Variants in RPGRIP1 observed in about 807,000 individuals in gnomAD.
The protein encoded by RPGRIP1 is X-linked retinitis pigmentosa GTPase regulator-interacting protein 1.
A neutral mutation model predicts 157.9 loss-of-function variants in RPGRIP1; 128 were observed. That is an observed-to-expected ratio of 0.81 (90% CI 0.70 to 0.94). The LOEUF is 0.94. Ranked by LOEUF, RPGRIP1 falls within the 40% of genes least tolerant of loss-of-function variation. RPGRIP1 has a pLI of 0.00. For synonymous variants in RPGRIP1, 554 were observed against 571.6 expected, an observed-to-expected ratio of 0.97 and a Z score of 0.44; for missense variants, 1,486 against 1,545.8, an observed-to-expected ratio of 0.96 and a Z score of 0.65.
At chr14:21,288,742 G>A (rs1353385539) in intron 2 of RPGRIP1, among the ~76,000 whole-genome samples, 1 of 151,872 alleles carries the variant, frequency 6.6e-6, no homozygotes, top group African/African-American at 2.4e-5. Context: ...TCGAACTCCT[G>A]ACCTCAAGTG....
chr14:21,325,685 G>C lies in RPGRIP1; in HGVS notation c.2368-146G>C, dbSNP rs532972059. On this transcript the variant is annotated intron_variant, in intron 16 of 24. Transcript: ENST00000400017. ...AATAACTGCCAGAGCCAGTTTGCAG[G>C]CAGGTGAAGATCATTAGGTTTCTTC... 1.5e-4 allele frequency: 106 copies of C among 687,316 alleles called. No homozygotes were observed. The African/African-American group carries it at 1.6e-3, about 10-fold the overall frequency. 42.6% of individuals were successfully genotyped at this position (687,316 alleles called of 1,614,324 possible).
intron 1 of RPGRIP1, among the ~76,000 whole-genome samples, chr14:21,281,704 A>AAAAAAAT (rs368706187): frequency 5.4e-4 from 72 of 133,956 alleles, no homozygotes; most frequent in African/African-American, 1.9e-3. Flanking sequence ...AAAAAAAAAT[A>AAAAAAAT]AATAATAATA....
chr14:21,335,331 TA>T (rs922797613), intron 21 of RPGRIP1, among the ~76,000 whole-genome samples: 1 of 152,102 alleles, frequency 6.6e-6, no homozygotes, highest in Admixed American at 6.6e-5. Context: ...GCCTGAATGG[TA>T]CCCCTGCCTT....
chr14:21,294,015 T>A (rs1661440456), intron 2 of RPGRIP1, among the ~76,000 whole-genome samples: 1 of 134,688 alleles, frequency 7.4e-6, no homozygotes, highest in African/African-American at 2.8e-5. Context: ...ATCACACCAG[T>A]GTACTCTAGA....
chr14:21,330,188 G>A, intron 19 of RPGRIP1, 61 bp from the exon 20 acceptor site: 1 of 1,178,284 alleles, frequency 8.5e-7, no homozygotes, highest in Admixed American at 2.9e-5. Context: ...AGGAAGGAAG[G>A]AATGAAGAAA....
At chr14:21,296,071 G>A (rs1880760409) in intron 3 of RPGRIP1, among the ~76,000 whole-genome samples, 1 of 150,922 alleles carries the variant, frequency 6.6e-6, no homozygotes, top group African/African-American at 2.4e-5. Flanking sequence ...AAGTAGCTGT[G>A]ACTACAGGCA....
chr14:21,327,825 C>T lies in RPGRIP1; in HGVS notation c.2895+18C>T. ...CTTCCCAGGTAACTCTCCAGGACTCCACAGGTAGCAGATCTCTGCCAATCC... is the reference window on the plus strand; with the variant it reads ...CTTCCCAGGTAACTCTCCAGGACTCTACAGGTAGCAGATCTCTGCCAATCC... On this transcript the variant is annotated intron_variant, in intron 18 of 24. Transcript: ENST00000400017. The T allele has an allele frequency of 1.3e-6, 2 of 1,547,572 alleles. No homozygotes were observed. The highest frequency in any genetic ancestry group is 2.5e-5 in the South Asian group (2 of 80,638).
At chr14:21,286,240 C>T (rs1223765661) in intron 1 of RPGRIP1, among the ~76,000 whole-genome samples, 2 of 151,996 alleles carry the variant, frequency 1.3e-5, no homozygotes, top group Non-Finnish European at 2.9e-5. Flanking sequence ...ATCCGCCCGC[C>T]TCAACCTCCC....
intron 22 of RPGRIP1, among the ~76,000 whole-genome samples, chr14:21,344,819 A>G (rs966658097): frequency 6.6e-6 from 1 of 152,088 alleles, no homozygotes; most frequent in Non-Finnish European, 1.5e-5. Context: ...GGTGGGGTGC[A>G]CCTGTAATCC....
intron 6 of RPGRIP1, among the ~76,000 whole-genome samples, chr14:21,304,396 AAAG>A (rs1881195668): frequency 3.0e-5 from 1 of 33,812 alleles, no homozygotes; most frequent in Non-Finnish European, 6.8e-5. Flanking sequence ...AGAGAGAAAG[AAAG>A]AAAGAAAGAA....
chr14:21,291,371 C>T (rs1255807501), intron 2 of RPGRIP1, among the ~76,000 whole-genome samples: 1 of 152,062 alleles, frequency 6.6e-6, no homozygotes, highest in Non-Finnish European at 1.5e-5. Flanking sequence ...AACTACCTAC[C>T]TGGAGTTCCA....
At chr14:21,334,944 G>A (rs1884176818) in intron 21 of RPGRIP1, among the ~76,000 whole-genome samples, 1 of 150,460 alleles carries the variant, frequency 6.6e-6, no homozygotes, top group Non-Finnish European at 1.5e-5. Flanking sequence ...TACTCAGGAG[G>A]CTGAGGCAGG....
At chr14:21,283,198 A>G (rs1880192282) in intron 1 of RPGRIP1, among the ~76,000 whole-genome samples, 1 of 152,184 alleles carries the variant, frequency 6.6e-6, no homozygotes, top group African/African-American at 2.4e-5. Flanking sequence ...GACCAAGCTT[A>G]TGATGCAGTC....
At chr14:21,340,442 G>C (rs1884880801) in intron 21 of RPGRIP1, among the ~76,000 whole-genome samples, 1 of 152,172 alleles carries the variant, frequency 6.6e-6, no homozygotes, top group African/African-American at 2.4e-5. Context: ...ATCACTTGAG[G>C]CCAGGAGTTC....
Position 21,348,184 on chromosome 14 carries a change from A to G in RPGRIP1, c.3630A>G (p.Thr1210=). Residue 1210 remains threonine, a synonymous_variant, in exon 24 of 25, where the codon ACA becomes ACG. Coordinates refer to ENST00000400017, the MANE Select transcript of RPGRIP1 (RefSeq NM_020366.4). ...AATTTCTTTTTAGTTTAAAGTTTAC[A>G]GTGGTAAGTGATCCTCTGGATGAAG... ...QDPDQGHLKF[T]VVSDPLDEEK... 1 of 1,579,416 alleles carries G rather than the reference A, an allele frequency of 6.3e-7. No individual in the cohort carries two copies. The highest frequency in any genetic ancestry group is 1.2e-5 in the South Asian group (1 of 84,460).
At chr14:21,304,431 G>GA (rs1056100068) in intron 6 of RPGRIP1, among the ~76,000 whole-genome samples, 2 of 147,734 alleles carry the variant, frequency 1.4e-5, no homozygotes, top group African/African-American at 5.1e-5. Flanking sequence ...AAGAAAGAAA[G>GA]AAAGAAAGAA....
intron 1 of RPGRIP1, among the ~76,000 whole-genome samples, chr14:21,281,704 A>AAAAAAAAAAAAT (rs368706187): frequency 4.5e-5 from 6 of 133,996 alleles, no homozygotes; most frequent in African/African-American, 1.8e-4. Flanking sequence ...AAAAAAAAAT[A>AAAAAAAAAAAAT]AATAATAATA....
At position 21,325,399 on chromosome 14, in the gene RPGRIP1, T is replaced by G. The variant is rs370533979; in HGVS notation, c.2367+16T>G. On this transcript the variant is annotated intron_variant, in intron 16 of 24. Transcript: ENST00000400017. ...GGAAGAGGAGGTGAGAAAAAAGATGTGCCGAGGCATCTCAGAGGAGCCTCA... is the reference window on the plus strand; with the variant it reads ...GGAAGAGGAGGTGAGAAAAAAGATGGGCCGAGGCATCTCAGAGGAGCCTCA... The G allele has an allele frequency of 1.9e-6, 3 of 1,556,420 alleles. No individual in the cohort carries two copies. The highest frequency in any genetic ancestry group is 2.4e-5 in the South Asian group (2 of 84,438).
At chr14:21,310,952 G>A (rs1881516803) in intron 8 of RPGRIP1, 1 of 542,700 alleles carries the variant, frequency 1.8e-6, no homozygotes, top group Non-Finnish European at 3.6e-6. Flanking sequence ...AGTTGTTGCA[G>A]GTATTCTCAG....
Sources: allele counts gnomAD v4.1 joint callset (sites outside exome capture counted in the v4.1 genomes callset), GRCh38; gene constraint gnomAD v4.1.1; transcripts MANE v1.5; gene names NCBI Gene and HGNC (gene_info 2026-07-23, HGNC 2026-07-21).